ATXN2: variants seen among roughly 807,000 people sequenced by gnomAD.
The protein encoded by ATXN2 is ataxin 2.
A neutral mutation model predicts 138.6 loss-of-function variants in ATXN2; 37 were observed. The observed-to-expected ratio is 0.27, with a 90% confidence interval of 0.21 to 0.35. ATXN2 has a LOEUF of 0.35. Among genes scored for constraint, ATXN2 ranks in the 10% least tolerant of loss-of-function variants. ATXN2 has a pLI of 1.00. For synonymous variants in ATXN2, 549 were observed against 543.7 expected (o/e 1.01, Z -0.13); for missense variants, 1,216 against 1,480.3 (o/e 0.82, Z 2.93).
intron 21 of ATXN2, among the ~76,000 whole-genome samples, chr12:111,459,549 TC>T (rs1279631145): frequency 1.3e-5 from 2 of 151,808 alleles, no homozygotes; most frequent in Non-Finnish European, 2.9e-5. Flanking sequence ...CAAGCGATTC[TC>T]CTGCCTCAGC....
Position 111,516,781 on chromosome 12 carries a change from C to T in ATXN2, c.1166-418G>A, listed in dbSNP as rs901821394. 3.9e-5 allele frequency among the ~76,000 whole-genome samples: 6 copies of T among 152,102 alleles called. No homozygotes were observed. Among genetic ancestry groups the T allele is most frequent in the African/African-American group, 1.4e-4 (6 of 41,408 alleles). On this transcript the variant is annotated intron_variant, in intron 9 of 24. Transcript: ENST00000673436. This position sits in a 1 kb window ranked among gnomAD's most constrained non-coding sequence, Gnocchi z 5.0. ...AGATTATTTACTGTATTAGTTTTAA[C>T]TCTGAGGCATAACGAAAATAAGCAG...
chr12:111,470,482 A>C (rs1876331937), intron 19 of ATXN2, 76 bp downstream of exon 19: 2 of 1,521,700 alleles, frequency 1.3e-6, no homozygotes, highest in East Asian at 4.5e-5. Context: ...AAAAATTATA[A>C]AGGAAAATCC....
At chr12:111,526,798 A>G (rs1880532692) in intron 5 of ATXN2, among the ~76,000 whole-genome samples, 1 of 152,220 alleles carries the variant, frequency 6.6e-6, no homozygotes, top group Non-Finnish European at 1.5e-5. Context: ...TTAACTTTCC[A>G]TATTCATGTC....
At chr12:111,583,766 CAAAAAAAAAA>C (rs748838859) in intron 1 of ATXN2, among the ~76,000 whole-genome samples, 21 of 58,122 alleles carry the variant, frequency 3.6e-4, no homozygotes, top group Non-Finnish European at 5.9e-4. Flanking sequence ...GACTCCGACT[CAAAAAAAAAA>C]AAAAAAAAAA....
At chr12:111,509,460 T>G (rs1879372807) in intron 14 of ATXN2, 89 bp downstream of exon 14, 1 of 763,358 alleles carries the variant, frequency 1.3e-6, no homozygotes, top group Non-Finnish European at 2.2e-6. Flanking sequence ...TGTTTCTGAC[T>G]GTATACATAA....
intron 18 of ATXN2, among the ~76,000 whole-genome samples, chr12:111,475,770 A>T (rs1167970934): frequency 6.6e-6 from 1 of 152,182 alleles, no homozygotes; most frequent in Non-Finnish European, 1.5e-5. Flanking sequence ...AATCTGAAAA[A>T]AAAAATCAAT....
chr12:111,568,525 T>C (rs12314647), intron 1 of ATXN2, among the ~76,000 whole-genome samples: 15,331 of 152,144 alleles, frequency 0.1, 2,565 homozygotes, highest in African/African-American at 0.35. Flanking sequence ...ACTGGTTGTA[T>C]AGAAGTAACT....
Position 111,457,148 on chromosome 12 carries a change from C to T in ATXN2, c.3042+66G>A, listed in dbSNP as rs192873800. ...GTTCTGACGATGCGATACCTGGCAC[C>T]TGAAGAAAGCACTCAGATACTAGGA... is the stretch of plus-strand genomic sequence containing the variant. On this transcript the variant is annotated intron_variant, in intron 22 of 24. Coordinates refer to ENST00000673436, the MANE Select transcript of ATXN2 (RefSeq NM_001372574.1). 7.7e-3 allele frequency: 11,944 copies of T among 1,545,498 alleles called. 71 individuals are homozygous for T. The highest frequency in any genetic ancestry group is 8.5e-3 in the Non-Finnish European group (9,664 of 1,141,804).
At chr12:111,532,223 G>T (rs779317524) in intron 5 of ATXN2, among the ~76,000 whole-genome samples, 2 of 152,146 alleles carry the variant, frequency 1.3e-5, no homozygotes, top group African/African-American at 4.8e-5. Context: ...GCTCACACCT[G>T]TAATCCCAGC....
intron 5 of ATXN2, among the ~76,000 whole-genome samples, chr12:111,528,165 A>C (rs990404887): frequency 6.6e-6 from 1 of 152,214 alleles, no homozygotes; most frequent in African/African-American, 2.4e-5. Context: ...TTTAGATAGA[A>C]GCTCAGTATT....
intron 1 of ATXN2, among the ~76,000 whole-genome samples, chr12:111,584,651 G>A (rs1329493250): frequency 1.3e-5 from 2 of 151,980 alleles, no homozygotes; most frequent in Admixed American, 6.6e-5. Flanking sequence ...CCAACATGGT[G>A]AAACCCCATC....
chr12:111,551,843 C>A (rs1252961010), intron 5 of ATXN2, among the ~76,000 whole-genome samples: 1 of 151,966 alleles, frequency 6.6e-6, no homozygotes, highest in Admixed American at 6.6e-5. Context: ...TAAAAAATTA[C>A]CTTACTTGGG....
chr12:111,527,546 A>T (rs148051839), intron 5 of ATXN2, among the ~76,000 whole-genome samples: 123 of 152,328 alleles, frequency 8.1e-4, no homozygotes, highest in African/African-American at 2.8e-3. Flanking sequence ...GTGGGTAGGT[A>T]TGAGTGTGTG....
Position 111,599,274 on chromosome 12 carries a change from CGTTGCT to C in ATXN2, c.-246_-241del. 1 of 1,017,286 alleles carries C rather than the reference CGTTGCT, an allele frequency of 9.8e-7. No individual in the cohort carries two copies. The highest frequency in any genetic ancestry group is 1.2e-6 in the Non-Finnish European group (1 of 855,508). 63.0% of individuals were successfully genotyped at this position (1,017,286 alleles called of 1,614,324 possible). A position where few individuals can be genotyped will look rare whatever the true frequency, so the allele number is the denominator to read the frequency against. On this transcript the variant is annotated 5_prime_UTR_variant, in exon 1 of 25. Coordinates refer to ENST00000673436, the MANE Select transcript of ATXN2 (RefSeq NM_001372574.1). ...GGCCGAAACGCGCCGCCGCCGTTGC[CGTTGCT>C]ACCAAAACAGTCTGAGGCGGAGGGA...
At position 111,453,209 on chromosome 12, in the gene ATXN2, C is replaced by T. The variant is rs1565998270; in HGVS notation, c.3440-369G>A. On this transcript the variant is annotated intron_variant, in intron 24 of 24. Coordinates refer to ENST00000673436, the MANE Select transcript of ATXN2 (RefSeq NM_001372574.1). This position sits in a 1 kb window ranked among gnomAD's most constrained non-coding sequence, Gnocchi z 5.4. Reference sequence around the variant, plus strand: ...CAAGTAGTAGAGCACAATCACAGGGCGCTCTCCCCTGTTCAGGGGCTGGGG... The same window carrying T: ...CAAGTAGTAGAGCACAATCACAGGGTGCTCTCCCCTGTTCAGGGGCTGGGG... The T allele has an allele frequency of 4.6e-6, 5 of 1,089,506 alleles. No individual in the cohort carries two copies. Among genetic ancestry groups the T allele is most frequent in the East Asian group, 6.4e-5 (1 of 15,692 alleles). The allele number at this position is 1,089,506 out of a possible 1,614,324, so 67.5% of individuals were successfully genotyped here.
intron 8 of ATXN2, among the ~76,000 whole-genome samples, chr12:111,519,311 T>G (rs1020409646): frequency 2.6e-5 from 4 of 152,188 alleles, no homozygotes; most frequent in Non-Finnish European, 5.9e-5. Flanking sequence ...CTGCCACTGC[T>G]GCACCTGACA....
In ATXN2 at chr12:111,575,810, G is replaced by A. The variant is rs145517432; in HGVS notation, c.252-19891C>T. 7.7e-4 allele frequency among the ~76,000 whole-genome samples: 117 copies of A among 152,272 alleles called. 1 individual carries two copies. The highest frequency in any genetic ancestry group is 2.6e-3 in the African/African-American group (107 of 41,580). On this transcript the variant is annotated intron_variant, in intron 1 of 24. Coordinates refer to ENST00000673436, the MANE Select transcript of ATXN2 (RefSeq NM_001372574.1). ...TAATAAAACCAATAGTCAGCCAGGC[G>A]CAGTGGCTCACGCCTGTAATCCCAG...
intron 1 of ATXN2, among the ~76,000 whole-genome samples, chr12:111,591,640 T>TA (rs1447477265): frequency 1.3e-5 from 2 of 151,508 alleles, no homozygotes; most frequent in Admixed American, 6.6e-5. Context: ...ACCTTGACTC[T>TA]AAAAAAATAA....
At chr12:111,472,369 A>C (rs1191061242) in intron 18 of ATXN2, among the ~76,000 whole-genome samples, 5 of 152,128 alleles carry the variant, frequency 3.3e-5, no homozygotes, top group Admixed American at 6.6e-5. Context: ...CCAATACCTC[A>C]AAGGATTGGA....
Sources: gnomAD v4.1 joint callset for allele counts (sites outside exome capture counted in the v4.1 genomes callset) on GRCh38, gnomAD v4.1.1 for gene constraint, Gnocchi (gnomAD v3.1) non-coding constraint, MANE v1.5 for transcripts, NCBI Gene and HGNC (gene_info 2026-07-23, HGNC 2026-07-21) for gene names.